Variants in SYT1 observed in about 807,000 individuals in gnomAD.
SYT1 encodes the protein synaptotagmin-1.
SYT1 carries 8 observed loss-of-function variants against 44.8 expected under a neutral mutation model. The observed-to-expected ratio is 0.18, with a 90% CI of 0.10 to 0.32. SYT1 has a LOEUF of 0.32. SYT1 is among the 10% of genes least tolerant of loss of function. The pLI is 1.00. For synonymous variants in SYT1, 154 were observed against 188.8 expected (o/e 0.82, Z 1.51); for missense variants, 286 against 509.3 (o/e 0.56, Z 4.22).
intron 3 of SYT1, among the ~76,000 whole-genome samples, chr12:79,130,825 C>T (rs1259208843): frequency 6.6e-6 from 1 of 152,144 alleles, no homozygotes; most frequent in Non-Finnish European, 1.5e-5. Flanking sequence ...GAATTTATAG[C>T]AGGCTAACTT....
chr12:79,240,533 C>A (rs1212118389), intron 4 of SYT1, among the ~76,000 whole-genome samples: 5 of 152,152 alleles, frequency 3.3e-5, no homozygotes, highest in Admixed American at 6.5e-5. Flanking sequence ...TCTAGTGAAT[C>A]CTTCAAAGGT....
At chr12:79,203,672 A>T (rs1873930095) in intron 3 of SYT1, among the ~76,000 whole-genome samples, 1 of 152,210 alleles carries the variant, frequency 6.6e-6, no homozygotes, top group Admixed American at 6.5e-5. Context: ...AGGAAGGAAT[A>T]GCTGTTAGGT....
At chr12:79,131,253 A>G (rs1868800904) in intron 3 of SYT1, among the ~76,000 whole-genome samples, 2 of 152,074 alleles carry the variant, frequency 1.3e-5, no homozygotes, top group Admixed American at 6.6e-5. Context: ...CATCTACATT[A>G]GGTATTTCCC....
chr12:79,320,824 T>C (rs772443486), intron 8 of SYT1, among the ~76,000 whole-genome samples: 4 of 151,966 alleles, frequency 2.6e-5, no homozygotes, highest in Non-Finnish European at 5.9e-5. Context: ...GGTTTCACCA[T>C]GTTGGCCAGG....
intron 3 of SYT1, among the ~76,000 whole-genome samples, chr12:79,128,925 A>G (rs564782544): frequency 6.6e-6 from 1 of 152,290 alleles, no homozygotes; most frequent in South Asian, 2.1e-4. Context: ...TCTATATGCT[A>G]TTCTTACTAG....
chr12:79,054,640 T>C (rs1330213241), intron 3 of SYT1, among the ~76,000 whole-genome samples: 1 of 151,932 alleles, frequency 6.6e-6, no homozygotes, highest in Non-Finnish European at 1.5e-5. Flanking sequence ...CAACAGCTGC[T>C]ATTGATTACC....
chr12:78,919,381 C>G (rs1876853240), intron 1 of SYT1, among the ~76,000 whole-genome samples: 3 of 152,164 alleles, frequency 2.0e-5, no homozygotes, highest in Admixed American at 1.3e-4. Flanking sequence ...GACCAGGGAG[C>G]TGAACACAAA....
chr12:78,987,540 G>A (rs1255908738), intron 2 of SYT1, among the ~76,000 whole-genome samples: 1 of 151,924 alleles, frequency 6.6e-6, no homozygotes. Context: ...TCCCAGACAG[G>A]ATATAAGGTC....
At chr12:79,058,350 C>T (rs1027240716) in intron 3 of SYT1, among the ~76,000 whole-genome samples, 6 of 152,036 alleles carry the variant, frequency 3.9e-5, no homozygotes, top group African/African-American at 1.4e-4. Context: ...AAACATGTTT[C>T]TCCATTTTTC....
chr12:79,099,662 T>G (rs189015222), intron 3 of SYT1, among the ~76,000 whole-genome samples: 21 of 113,542 alleles, frequency 1.8e-4, no homozygotes, highest in East Asian at 1.3e-3. Flanking sequence ...AAAGAATGAG[T>G]TTTTTTTTTA....
At chr12:79,378,531 G>T (rs1420776198) in intron 9 of SYT1, among the ~76,000 whole-genome samples, 1 of 152,186 alleles carries the variant, frequency 6.6e-6, no homozygotes, top group Non-Finnish European at 1.5e-5. Flanking sequence ...TAGTTTAGTG[G>T]CCTCACAGAC....
chr12:79,271,366 T>C (rs1878416675), intron 4 of SYT1, among the ~76,000 whole-genome samples: 1 of 152,204 alleles, frequency 6.6e-6, no homozygotes. Flanking sequence ...TATTTGTTAG[T>C]TGGCTTCACA....
intron 3 of SYT1, among the ~76,000 whole-genome samples, chr12:79,065,196 A>G (rs781428039): frequency 2.0e-5 from 3 of 152,114 alleles, no homozygotes; most frequent in Non-Finnish European, 4.4e-5. Context: ...AACATGGTGA[A>G]AACCCGTCTT....
intron 2 of SYT1, among the ~76,000 whole-genome samples, chr12:79,001,572 T>C (rs1565757050): frequency 6.6e-6 from 1 of 152,268 alleles, no homozygotes; most frequent in Non-Finnish European, 1.5e-5. Context: ...TTAGTGACTA[T>C]ATAAAGGCTC....
At chr12:79,224,635 TG>T (rs1875381055) in intron 4 of SYT1, among the ~76,000 whole-genome samples, 2 of 152,092 alleles carry the variant, frequency 1.3e-5, no homozygotes, top group Admixed American at 6.5e-5. Context: ...CCTTGTCAAT[TG>T]TTCTAAAGAA....
chr12:78,941,055 CTTTTTTTTTCTT>C (rs1878327517), intron 1 of SYT1, among the ~76,000 whole-genome samples: 2 of 86,040 alleles, frequency 2.3e-5, no homozygotes, highest in African/African-American at 6.7e-5. Context: ...CTTTTTTTTT[CTTTTTTTTTCTT>C]TTTTTTTTTT....
At chr12:79,337,148 C>A (rs1018222762) in intron 8 of SYT1, among the ~76,000 whole-genome samples, 1 of 152,158 alleles carries the variant, frequency 6.6e-6, no homozygotes, top group Non-Finnish European at 1.5e-5. Flanking sequence ...TAGACATTTA[C>A]AGTCAATATT....
chr12:79,125,882 G>C (rs1187830571), intron 3 of SYT1, among the ~76,000 whole-genome samples: 1 of 151,976 alleles, frequency 6.6e-6, no homozygotes, highest in African/African-American at 2.4e-5. Flanking sequence ...AAGTTCCCCG[G>C]CTCATCAATC....
chr12:78,878,427 A>G (rs1874287359), intron 1 of SYT1, among the ~76,000 whole-genome samples: 1 of 151,834 alleles, frequency 6.6e-6, no homozygotes, highest in South Asian at 2.1e-4. Flanking sequence ...GTAATTGACT[A>G]TGGCATTTTG....
Sources: gnomAD v4.1 joint callset for allele counts (sites outside exome capture counted in the v4.1 genomes callset) on GRCh38, gnomAD v4.1.1 for gene constraint, MANE v1.5 for transcripts, NCBI Gene and HGNC (gene_info 2026-07-23, HGNC 2026-07-21) for gene names.